TENM2: variants seen among roughly 807,000 people sequenced by gnomAD.
TENM2 encodes teneurin-2.
Under a neutral mutation model 245.2 loss-of-function variants are expected in TENM2, and 52 were observed. That is an observed-to-expected ratio of 0.21 (90% CI 0.17 to 0.27). TENM2 has a LOEUF of 0.27. Among genes scored for constraint, TENM2 ranks in the 10% least tolerant of loss-of-function variants. The probability of loss-of-function intolerance (pLI) is 1.00; values close to 1 mark genes in which losing one functional copy is unlikely to be tolerated. For missense variants in TENM2, 3,046 were observed against 3,666.8 expected (o/e 0.83, Z 4.37); for synonymous variants, 1,363 against 1,438.9 (o/e 0.95, Z 1.19).
chr5:167,093,694 T>C, the TENM2 span, among the ~76,000 whole-genome samples: 2 of 152,204 alleles, frequency 1.3e-5, no homozygotes, highest in Non-Finnish European at 1.5e-5. Flanking sequence ...CTTTGTACCT[T>C]ATCTTACCAG....
At chr5:167,632,690 T>C (rs1191136926) in intron 2 of TENM2, among the ~76,000 whole-genome samples, 2 of 151,970 alleles carry the variant, frequency 1.3e-5, no homozygotes, top group South Asian at 2.1e-4. Context: ...ACCATGCACA[T>C]ACATGGAACA....
chr5:167,086,783 T>C, the TENM2 span, among the ~76,000 whole-genome samples: 1 of 152,040 alleles, frequency 6.6e-6, no homozygotes, highest in Non-Finnish European at 1.5e-5. Context: ...AATGGGGAGA[T>C]GAGACACTAA....
At chr5:168,185,927 T>TC (rs1203011949) in intron 13 of TENM2, among the ~76,000 whole-genome samples, 1 of 7,342 alleles carries the variant, frequency 1.4e-4, no homozygotes, top group Non-Finnish European at 2.2e-4. Flanking sequence ...TATATATATA[T>TC]ATATATATAT....
At chr5:167,654,780 C>T (rs911850388) in intron 2 of TENM2, among the ~76,000 whole-genome samples, 8 of 152,024 alleles carry the variant, frequency 5.3e-5, no homozygotes, top group Non-Finnish European at 1.0e-4. Context: ...ATTTCATTTT[C>T]ACTCATTTAC....
the TENM2 span, among the ~76,000 whole-genome samples, chr5:167,210,833 A>C: frequency 2.0e-5 from 3 of 152,328 alleles, no homozygotes; most frequent in African/African-American, 7.2e-5. Flanking sequence ...TTCACACTTC[A>C]ATTCTGCAGC....
chr5:167,468,015 C>A (rs1217087502), intron 2 of TENM2, among the ~76,000 whole-genome samples: 1 of 152,174 alleles, frequency 6.6e-6, no homozygotes, highest in Non-Finnish European at 1.5e-5. Context: ...CGGCTCATTG[C>A]AACCTCTGCC....
the TENM2 span, among the ~76,000 whole-genome samples, chr5:167,103,851 A>G: frequency 2.0e-5 from 3 of 152,024 alleles, no homozygotes; most frequent in African/African-American, 7.3e-5. Flanking sequence ...TACTGAAAAA[A>G]AAAAATGAGT....
chr5:168,208,579 G>A (rs1298963557), intron 19 of TENM2, among the ~76,000 whole-genome samples: 1 of 152,248 alleles, frequency 6.6e-6, no homozygotes, highest in African/African-American at 2.4e-5. Flanking sequence ...CAGGTAGACT[G>A]TTAGGGAAGA....
intron 2 of TENM2, among the ~76,000 whole-genome samples, chr5:167,529,627 AC>A (rs2127591564): frequency 6.6e-6 from 1 of 152,372 alleles, no homozygotes; most frequent in East Asian, 1.9e-4. Context: ...CAGTGAAGTC[AC>A]GTGTATGCTC....
the TENM2 span, among the ~76,000 whole-genome samples, chr5:167,196,385 T>C: frequency 0.12 from 18,081 of 151,522 alleles, 3,610 homozygotes; most frequent in African/African-American, 0.41. Flanking sequence ...TATACCTCCA[T>C]TCACTCCCAT....
intron 2 of TENM2, among the ~76,000 whole-genome samples, chr5:167,698,686 T>TTTG (rs1757941608): frequency 8.7e-6 from 1 of 114,890 alleles, no homozygotes; most frequent in African/African-American, 3.0e-5. Flanking sequence ...TTTGTTTTTT[T>TTTG]TTTTTTTTTT....
intron 2 of TENM2, among the ~76,000 whole-genome samples, chr5:167,535,312 G>A (rs1302889997): frequency 6.6e-6 from 1 of 151,888 alleles, no homozygotes; most frequent in Non-Finnish European, 1.5e-5. Flanking sequence ...CAAGGGTTGA[G>A]GGAAATGGGA....
chr5:167,968,894 G>T (rs994664051), intron 4 of TENM2, among the ~76,000 whole-genome samples: 1 of 152,098 alleles, frequency 6.6e-6, no homozygotes, highest in Non-Finnish European at 1.5e-5. Flanking sequence ...TGCAAGGGGC[G>T]GTGCTATGCA....
At chr5:167,813,083 G>C (rs1448031570) in intron 2 of TENM2, among the ~76,000 whole-genome samples, 1 of 152,148 alleles carries the variant, frequency 6.6e-6, no homozygotes, top group East Asian at 1.9e-4. Context: ...AAATACAAAG[G>C]TTTGTATCCA....
At chr5:167,466,947 A>G (rs1582128689) in intron 2 of TENM2, among the ~76,000 whole-genome samples, 1 of 152,286 alleles carries the variant, frequency 6.6e-6, no homozygotes, top group East Asian at 1.9e-4. Flanking sequence ...TATGTCATAC[A>G]CTATAATCAA....
chr5:167,798,186 G>T (rs570709100), intron 2 of TENM2, among the ~76,000 whole-genome samples: 1 of 152,184 alleles, frequency 6.6e-6, no homozygotes, highest in Admixed American at 6.5e-5. Context: ...CAAGCTAACT[G>T]CAGGCCAGAG....
chr5:167,354,615 A>G (rs942459392), intron 1 of TENM2, among the ~76,000 whole-genome samples: 1 of 152,222 alleles, frequency 6.6e-6, no homozygotes, highest in Non-Finnish European at 1.5e-5. Flanking sequence ...TCTAGAAAGC[A>G]TGGCTTGTGA....
intron 2 of TENM2, among the ~76,000 whole-genome samples, chr5:167,388,089 A>T (rs1422397236): frequency 6.6e-6 from 1 of 151,992 alleles, no homozygotes; most frequent in Admixed American, 6.6e-5. Flanking sequence ...TGTCAATAGG[A>T]TTGGTGCCAA....
At chr5:167,396,730 A>G (rs1484524544) in intron 2 of TENM2, among the ~76,000 whole-genome samples, 4 of 152,184 alleles carry the variant, frequency 2.6e-5, no homozygotes, top group African/African-American at 7.2e-5. Flanking sequence ...CAAGATTTCT[A>G]CTGGAGCGAG....
Sources: allele counts gnomAD v4.1 joint callset (sites outside exome capture counted in the v4.1 genomes callset), GRCh38; gene constraint gnomAD v4.1.1; transcripts MANE v1.5; gene names NCBI Gene and HGNC (gene_info 2026-07-23, HGNC 2026-07-21).